Variants in KLHL18 observed in about 807,000 individuals in gnomAD.
KLHL18 encodes kelch like family member 18, also known as kelch-like protein 18.
A neutral mutation model predicts 58.5 loss-of-function variants in KLHL18; 38 were observed. The observed-to-expected ratio is 0.65, with a 90% CI of 0.50 to 0.85. The LOEUF is 0.85. Ranked by LOEUF, KLHL18 falls within the 40% of genes least tolerant of loss-of-function variation. The pLI is 0.00. For synonymous variants in KLHL18, 303 were observed against 301.9 expected, an observed-to-expected ratio of 1.00 and a Z score of -0.04; for missense variants, 624 against 778.4, an observed-to-expected ratio of 0.80 and a Z score of 2.36.
At chr3:47,301,977 T>G (rs1473591967) in intron 1 of KLHL18, among the ~76,000 whole-genome samples, 1 of 152,116 alleles carries the variant, frequency 6.6e-6, no homozygotes, top group Non-Finnish European at 1.5e-5. Context: ...AACTTTTTTA[T>G]TTTTTGTAGA....
chr3:47,297,816 A>G, intron 1 of KLHL18: 1 of 350,108 alleles, frequency 2.9e-6, no homozygotes. Context: ...TTTCTTTGGG[A>G]AGAATATTCA....
At chr3:47,302,307 A>G (rs564831553) in intron 1 of KLHL18, among the ~76,000 whole-genome samples, 76 of 152,280 alleles carry the variant, frequency 5.0e-4, no homozygotes, top group African/African-American at 1.8e-3. Flanking sequence ...CAACATGGCG[A>G]AACCCTGTCT....
chr3:47,296,702 A>AC (rs1215658920), intron 1 of KLHL18, among the ~76,000 whole-genome samples: 1 of 152,216 alleles, frequency 6.6e-6, no homozygotes, highest in African/African-American at 2.4e-5. Context: ...ACAGACAGGC[A>AC]CAGTGGAAAG....
At chr3:47,303,966 T>C (rs1442699377) in intron 1 of KLHL18, among the ~76,000 whole-genome samples, 1 of 152,070 alleles carries the variant, frequency 6.6e-6, no homozygotes, top group Non-Finnish European at 1.5e-5. Context: ...TAGCCTGAAG[T>C]GATTCTCCCA....
intron 6 of KLHL18, among the ~76,000 whole-genome samples, chr3:47,335,671 C>A (rs1250634177): frequency 1.3e-5 from 2 of 152,092 alleles, no homozygotes. Flanking sequence ...CCACGCCCAG[C>A]TAATTTTTCT....
chr3:47,316,492 CATATATAT>C (rs757242928), intron 1 of KLHL18, among the ~76,000 whole-genome samples: 112,713 of 121,006 alleles, frequency 0.93, 53,919 homozygotes, highest in East Asian at 1. Context: ...TACATATATA[CATATATAT>C]GTATATATAT....
chr3:47,339,243 C>G (rs1450090007), intron 7 of KLHL18, among the ~76,000 whole-genome samples: 3 of 152,064 alleles, frequency 2.0e-5, no homozygotes, highest in African/African-American at 7.2e-5. Context: ...ACCTGTAATG[C>G]CAGCACTTTG....
intron 1 of KLHL18, among the ~76,000 whole-genome samples, chr3:47,312,831 A>T (rs893750858): frequency 6.6e-6 from 1 of 151,206 alleles, no homozygotes; most frequent in African/African-American, 2.4e-5. Context: ...TTTTAAATGG[A>T]TGTTTTATTT....
chr3:47,294,820 A>C (rs1281092900), intron 1 of KLHL18, among the ~76,000 whole-genome samples: 7 of 152,348 alleles, frequency 4.6e-5, no homozygotes, highest in Admixed American at 3.9e-4. Context: ...TGGTTCATGA[A>C]GACAGCACTG....
chr3:47,319,040 T>C (rs2107627383), intron 1 of KLHL18, among the ~76,000 whole-genome samples: 1 of 152,352 alleles, frequency 6.6e-6, no homozygotes, highest in South Asian at 2.1e-4. Flanking sequence ...GGCAGATAGT[T>C]GGAAAACACT....
intron 3 of KLHL18, among the ~76,000 whole-genome samples, chr3:47,324,011 T>G (rs1703649036): frequency 6.6e-6 from 1 of 152,170 alleles, no homozygotes; most frequent in Admixed American, 6.6e-5. Context: ...TAAGATTTAG[T>G]GGGGAGCTCA....
At position 47,334,634 on chromosome 3, in the gene KLHL18, C is replaced by A; in HGVS notation, c.762-49C>A. 1 of 1,603,850 alleles carries A rather than the reference C, an allele frequency of 6.2e-7. No homozygotes were observed. Among genetic ancestry groups the A allele is most frequent in the Non-Finnish European group, 8.5e-7 (1 of 1,172,090 alleles). Reference sequence around the variant, plus strand: ...CCAGGCTCAGAGATGCAAACGAGGACTAAGTCAGGGGGATACCTCCTGTTC... The same window carrying A: ...CCAGGCTCAGAGATGCAAACGAGGAATAAGTCAGGGGGATACCTCCTGTTC... On this transcript the variant is annotated intron_variant, in intron 5 of 9. Coordinates refer to ENST00000232766, the MANE Select transcript of KLHL18 (RefSeq NM_025010.5). This position sits in a 1 kb window ranked among gnomAD's most constrained non-coding sequence, Gnocchi z 4.7.
intron 1 of KLHL18, among the ~76,000 whole-genome samples, chr3:47,314,166 C>T (rs1703370535): frequency 6.6e-6 from 1 of 152,082 alleles, no homozygotes; most frequent in Admixed American, 6.6e-5. Flanking sequence ...ACCACCATGC[C>T]TGGCTAGTTT....
rs1703949365 is a variant in KLHL18, at chr3:47,334,879, A to G, written c.898+60A>G. The G allele has an allele frequency of 2.0e-6, 3 of 1,528,562 alleles. No individual in the cohort carries two copies. The South Asian group carries it at 3.6e-5, about 18-fold the overall frequency. 94.7% of individuals were successfully genotyped at this position (1,528,562 alleles called of 1,614,324 possible). A position where few individuals can be genotyped will look rare whatever the true frequency, so the allele number is the denominator to read the frequency against. ...TGGACTCCATGGATGAGGAAGCACCAGACAAATTAGCCTGGCCCTTCTGGT... is the reference window on the plus strand; with the variant it reads ...TGGACTCCATGGATGAGGAAGCACCGGACAAATTAGCCTGGCCCTTCTGGT... On this transcript the variant is annotated intron_variant, in intron 6 of 9. Coordinates refer to ENST00000232766, the MANE Select transcript of KLHL18 (RefSeq NM_025010.5). The surrounding 1 kb of genome is among the most constrained non-coding windows in gnomAD (Gnocchi z 4.7).
In KLHL18 at chr3:47,306,128, G is replaced by C. The variant is rs780485720; in HGVS notation, c.130-13525G>C. Among the ~76,000 whole-genome samples, 37 of 151,690 alleles carry C rather than the reference G, an allele frequency of 2.4e-4. 1 individual carries two copies. The highest frequency in any genetic ancestry group is 2.2e-3 in the Admixed American group (33 of 15,212). On this transcript the variant is annotated intron_variant, in intron 1 of 9. Transcript: ENST00000232766. ...TATTTTTTCTCTAGTTCCTTGGAGA[G>C]GTAGTTTGGGTTATTCACTTGAGAC...
chr3:47,300,611 A>G (rs1387662371), intron 1 of KLHL18, among the ~76,000 whole-genome samples: 1 of 141,896 alleles, frequency 7.0e-6, no homozygotes, highest in Non-Finnish European at 1.5e-5. Context: ...ATTCTGTTAA[A>G]TGAGTAGTGG....
chr3:47,307,084 T>C (rs760696115), intron 1 of KLHL18, among the ~76,000 whole-genome samples: 13 of 152,204 alleles, frequency 8.5e-5, no homozygotes, highest in Non-Finnish European at 1.5e-4. Context: ...AACTTGTCTT[T>C]TTTTCGAGAT....
intron 3 of KLHL18, among the ~76,000 whole-genome samples, chr3:47,325,543 A>C (rs1251023430): frequency 6.6e-6 from 1 of 152,106 alleles, no homozygotes; most frequent in Non-Finnish European, 1.5e-5. Context: ...CTTGAGGAAA[A>C]CCATTCTGAG....
At chr3:47,284,908 T>A (rs1702642129) in intron 1 of KLHL18, among the ~76,000 whole-genome samples, 1 of 152,134 alleles carries the variant, frequency 6.6e-6, no homozygotes, top group Non-Finnish European at 1.5e-5. Flanking sequence ...AACCTCCACC[T>A]CCTGGCTTCA....
Sources: allele counts gnomAD v4.1 joint callset (sites outside exome capture counted in the v4.1 genomes callset), GRCh38; gene constraint gnomAD v4.1.1; non-coding constraint Gnocchi (gnomAD v3.1); transcripts MANE v1.5; gene names NCBI Gene and HGNC (gene_info 2026-07-23, HGNC 2026-07-21).